NOP9: variants seen among roughly 807,000 people sequenced by gnomAD.
The protein encoded by NOP9 is nucleolar protein 9.
A neutral mutation model predicts 63.0 loss-of-function variants in NOP9; 50 were observed. The ratio of observed to expected loss-of-function variants is 0.79; its 90% CI spans 0.63 to 1.00. NOP9 has a LOEUF of 1.00. NOP9 is among the 50% of genes least tolerant of loss of function. The probability of loss-of-function intolerance (pLI) is 0.00; values close to 1 mark genes in which losing one functional copy is unlikely to be tolerated. For missense variants in NOP9, 758 were observed against 803.0 expected (o/e 0.94, Z 0.68); for synonymous variants, 343 against 332.8 (o/e 1.03, Z -0.33).
chr14:24,286,770 T>C, the NOP9 span, among the ~76,000 whole-genome samples: 5 of 151,456 alleles, frequency 3.3e-5, no homozygotes, highest in African/African-American at 1.2e-4. Flanking sequence ...TTTTTTGTAT[T>C]TTTAGTAGAG....
chr14:24,297,352 A>G (rs1293143268), upstream of NOP9, among the ~76,000 whole-genome samples: 3 of 152,082 alleles, frequency 2.0e-5, no homozygotes, highest in Non-Finnish European at 2.9e-5. Context: ...AATTGAAAAA[A>G]CCAAAGCTAT....
At chr14:24,296,550 G>T (rs200346344), upstream of NOP9, 162 of 1,614,174 alleles carry the variant, frequency 1.0e-4, no homozygotes, top group Non-Finnish European at 1.3e-4. Flanking sequence ...TGGAGGCAGG[G>T]GTTTCCCAGA....
rs373890909 is a variant in NOP9, at chr14:24,303,866, G to C, written c.1410+9G>C. 5.0e-6 allele frequency: 8 copies of C among 1,613,478 alleles called. No homozygotes were observed. The highest frequency in any genetic ancestry group is 6.8e-6 in the Non-Finnish European group (8 of 1,179,588). On this transcript the variant is annotated intron_variant, in intron 7 of 9. Transcript: ENST00000267425. ...TGCCTGCAGAGCACCAGGTGAGGTA[G>C]GGGAGAGGCCAAGCCAGTGACTAAT...
chr14:24,277,657 T>G, the NOP9 span, among the ~76,000 whole-genome samples: 2 of 152,252 alleles, frequency 1.3e-5, no homozygotes, highest in Admixed American at 6.5e-5. Flanking sequence ...CAATAAAGCC[T>G]GGCCTTGTGC....
At position 24,307,399 on chromosome 14, in the gene NOP9, G is replaced by GCTC. The variant is rs751560731; in HGVS notation, c.*2306_*2307insCCT. On this transcript the variant is annotated 3_prime_UTR_variant, in exon 10 of 10. Coordinates refer to ENST00000267425, the MANE Select transcript of NOP9 (RefSeq NM_174913.3). Reference sequence around the variant, plus strand: ...GGCTAGCAGCTCCTGGCGGGTGGCAGCTGTCAGGCCTTTCCGGATGGTCCG... The same window carrying GCTC: ...GGCTAGCAGCTCCTGGCGGGTGGCAGCTCCTGTCAGGCCTTTCCGGATGGTCCG... 9.3e-6 allele frequency: 15 copies of GCTC among 1,613,588 alleles called. No individual in the cohort carries two copies. The highest frequency in any genetic ancestry group is 1.3e-5 in the Non-Finnish European group (15 of 1,179,794).
chr14:24,302,079 G>A lies in NOP9; in HGVS notation c.923G>A (p.Ser308Asn), dbSNP rs4280164. The A allele has an allele frequency of 0.2, 315,735 of 1,613,460 alleles. 33,859 individuals are homozygous for A. Among genetic ancestry groups the A allele is most frequent in the Admixed American group, 0.35 (21,029 of 59,976 alleles). Residue 308 changes from serine (S) to asparagine (N), a missense_variant, in exon 4 of 10, where the codon AGT becomes AAT. Physicochemically the swap from Ser to Asn is conservative, Grantham distance 46 (BLOSUM62 1). Coordinates refer to ENST00000267425, the MANE Select transcript of NOP9 (RefSeq NM_174913.3). The stretch of plus-strand genomic sequence containing the variant: ...TGCAATGCTGTGATTGGCTACCTGA[G>A]TACTCGCGGTTCCTCAGTAGATGGC... ...HLCNAVIGYL[S>N]TRGSSVDGSP...
At position 24,307,239 on chromosome 14, in the gene NOP9, CGCT is replaced by C; in HGVS notation, c.*2148_*2150del. The C allele has an allele frequency of 3.0e-6, 3 of 998,904 alleles. No homozygotes were observed. Among genetic ancestry groups the C allele is most frequent in the Non-Finnish European group, 3.0e-6 (2 of 668,970 alleles). The allele number at this position is 998,904 out of a possible 1,614,324, so 61.9% of individuals were successfully genotyped here. A position where few individuals can be genotyped will look rare whatever the true frequency, so the allele number is the denominator to read the frequency against. On this transcript the variant is annotated 3_prime_UTR_variant, in exon 10 of 10. Coordinates refer to ENST00000267425, the MANE Select transcript of NOP9 (RefSeq NM_174913.3). The stretch of plus-strand genomic sequence containing the variant: ...TGACCAGAGCTCATTAGGCCCACTC[CGCT>C]GCTTTTAGCCCTCAGAGGGAGGGGC...
Position 24,308,000 on chromosome 14 carries a change from C to T in NOP9, c.*2905C>T, listed in dbSNP as rs963207312. 3.9e-6 allele frequency: 3 copies of T among 766,572 alleles called. No individual in the cohort carries two copies. Among genetic ancestry groups the T allele is most frequent in the South Asian group, 3.2e-5 (2 of 62,802 alleles). 47.5% of individuals were successfully genotyped at this position (766,572 alleles called of 1,614,324 possible). On this transcript the variant is annotated 3_prime_UTR_variant, in exon 10 of 10. Coordinates refer to ENST00000267425, the MANE Select transcript of NOP9 (RefSeq NM_174913.3). ...AATGAGTCAAGCCTGGACTCTGGCC[C>T]CCCTGCCTGGCCAGTAAGAAGGGCA...
At position 24,299,960 on chromosome 14, in the gene NOP9, G is replaced by C; in HGVS notation, c.6G>C (p.Gly2=). M[G]QGPRSPHKVG... ...GGACAGGTCGCGAAGCACACATGGG[G>C]CAGGGTCCGCGCTCTCCACACAAGG... Residue 2 remains glycine (G), a synonymous_variant, in exon 1 of 10, where the codon GGG becomes GGC. Coordinates refer to ENST00000267425, the MANE Select transcript of NOP9 (RefSeq NM_174913.3). 2 of 1,555,816 alleles carry C rather than the reference G, an allele frequency of 1.3e-6. No homozygotes were observed. Among genetic ancestry groups the C allele is most frequent in the Non-Finnish European group, 1.7e-6 (2 of 1,151,750 alleles).
the NOP9 span, among the ~76,000 whole-genome samples, chr14:24,284,962 G>A: frequency 6.6e-6 from 1 of 152,168 alleles, no homozygotes; most frequent in Non-Finnish European, 1.5e-5. Context: ...GCCCAAAGGG[G>A]ACTTCAGGAG....
Position 24,302,024 on chromosome 14 carries a change from C to T in NOP9, c.868C>T (p.Arg290Cys), listed in dbSNP as rs757701262. 143 of 1,613,874 alleles carry T rather than the reference C, an allele frequency of 8.9e-5. No homozygotes were observed. The highest frequency in any genetic ancestry group is 1.1e-4 in the South Asian group (10 of 91,078). Reference protein sequence around the residue: ...CLQVALQVLHRKLPQFCAHLC... With the variant: ...CLQVALQVLHCKLPQFCAHLC... The stretch of plus-strand genomic sequence containing the variant: ...TCAAGTGGCTTTACAGGTTTTACAC[C>T]GCAAACTTCCCCAGTTTTGCGCTCA... Residue 290 changes from arginine to cysteine, a missense_variant, in exon 4 of 10, where the codon CGC (arginine) becomes TGC (cysteine). Coordinates refer to ENST00000267425, the MANE Select transcript of NOP9 (RefSeq NM_174913.3).
rs1351055580 is a variant in NOP9 at position 24,301,738 on chromosome 14, G to A, written c.808+16G>A. On this transcript the variant is annotated intron_variant, in intron 3 of 9. Coordinates refer to ENST00000267425, the MANE Select transcript of NOP9 (RefSeq NM_174913.3). Reference sequence around the variant, plus strand: ...GACATTGCAGGTAAGGAGGGAAGTAGGAGGATGGTCTCGTATCTACTTGTC... The same window carrying A: ...GACATTGCAGGTAAGGAGGGAAGTAAGAGGATGGTCTCGTATCTACTTGTC... 3 of 1,613,126 alleles carry A rather than the reference G, an allele frequency of 1.9e-6. No individual in the cohort carries two copies. Among genetic ancestry groups the A allele is most frequent in the Non-Finnish European group, 2.5e-6 (3 of 1,179,214 alleles).
Position 24,301,681 on chromosome 14 carries a change from G to T in NOP9, c.767G>T (p.Arg256Leu). 3 of 1,614,092 alleles carry T rather than the reference G, an allele frequency of 1.9e-6. No individual in the cohort carries two copies. The highest frequency in any genetic ancestry group is 1.1e-5 in the South Asian group (1 of 91,078). The change falls in exon 3 of 10, where the codon CGC (arginine) becomes CTC (leucine). Residue 256 changes from arginine to leucine, a missense_variant. Coordinates refer to ENST00000267425, the MANE Select transcript of NOP9 (RefSeq NM_174913.3). The stretch of plus-strand genomic sequence containing the variant: ...GAAGTCCCTGAAACCTTTTTGAATC[G>T]CCTTCAGGACCTGAGCTCCTCCTTT... ...DFEVPETFLN[R>L]LQDLSSSFLK...
the NOP9 span, chr14:24,271,229 T>C: frequency 1.5e-6 from 2 of 1,339,650 alleles, no homozygotes; most frequent in East Asian, 5.0e-5. Context: ...CACAGCTGTG[T>C]CCGGAAGCAG....
At position 24,307,541 on chromosome 14, in the gene NOP9, A is replaced by G. The variant is rs2041553951; in HGVS notation, c.*2446A>G. ...CTGGTAGTTGAGAAGAAAAGTCAAG[A>G]AGGGGCGAGGAGGGGCTTGGTGAGT... On this transcript the variant is annotated 3_prime_UTR_variant, in exon 10 of 10. Coordinates refer to ENST00000267425, the MANE Select transcript of NOP9 (RefSeq NM_174913.3). 6.2e-7 allele frequency: 1 copy of G among 1,608,988 alleles called. No individual in the cohort carries two copies. Among genetic ancestry groups the G allele is most frequent in the African/African-American group, 1.3e-5 (1 of 74,902 alleles).
At chr14:24,271,858 C>G in the NOP9 span, 1 of 152,174 alleles carries the variant, frequency 6.6e-6, no homozygotes, top group Non-Finnish European at 1.5e-5. Context: ...ACCCTGGCCA[C>G]ACCGACAGCC....
In NOP9 at chr14:24,304,213, A is replaced by G. The variant is rs952823286; in HGVS notation, c.1583A>G (p.Asp528Gly). 1.2e-6 allele frequency: 2 copies of G among 1,614,156 alleles called. No homozygotes were observed. The highest frequency in any genetic ancestry group is 1.7e-6 in the Non-Finnish European group (2 of 1,180,034). ...AQSPAGSHVL[D>G]AILTSPSVTR... ...AGTCCCGCTGGCTCTCATGTGCTCG[A>G]TGCCATCCTGACCAGCCCCTCTGTG... Residue 528 changes from aspartate (D) to glycine (G), a missense_variant, in exon 8 of 10, where the codon GAT becomes GGT. By Grantham distance (94) the Asp-to-Gly change is moderately conservative. Coordinates refer to ENST00000267425, the MANE Select transcript of NOP9 (RefSeq NM_174913.3).
the NOP9 span, chr14:24,291,327 C>T: frequency 8.1e-7 from 1 of 1,236,934 alleles, no homozygotes; most frequent in Non-Finnish European, 1.2e-6. Context: ...GCTCAGGATC[C>T]CTGGAGAGCT....
In NOP9 at chr14:24,307,241, C is replaced by T; in HGVS notation, c.*2146C>T. On this transcript the variant is annotated 3_prime_UTR_variant, in exon 10 of 10. Coordinates refer to ENST00000267425, the MANE Select transcript of NOP9 (RefSeq NM_174913.3). ...ACCAGAGCTCATTAGGCCCACTCCGCTGCTTTTAGCCCTCAGAGGGAGGGG... is the reference window on the plus strand; with the variant it reads ...ACCAGAGCTCATTAGGCCCACTCCGTTGCTTTTAGCCCTCAGAGGGAGGGG... 1 of 1,034,826 alleles carries T rather than the reference C, an allele frequency of 9.7e-7. No individual in the cohort carries two copies. The highest frequency in any genetic ancestry group is 1.6e-5 in the South Asian group (1 of 63,822). The allele number at this position is 1,034,826 out of a possible 1,614,324, so 64.1% of individuals were successfully genotyped here.
Sources: allele counts gnomAD v4.1 joint callset (sites outside exome capture counted in the v4.1 genomes callset), GRCh38; gene constraint gnomAD v4.1.1; transcripts MANE v1.5; gene names NCBI Gene and HGNC (gene_info 2026-07-23, HGNC 2026-07-21).